The following PHACTR3 variants were observed in gnomAD, a reference collection of about 807,000 sequenced individuals.
PHACTR3 encodes the protein protein phosphatase 1, regulatory subunit 123.
Under a neutral mutation model 66.8 loss-of-function variants are expected in PHACTR3, and 16 were observed. The observed-to-expected ratio is 0.24, with a 90% CI of 0.16 to 0.36. The LOEUF is 0.36. Ranked by LOEUF, PHACTR3 falls within the 10% of genes least tolerant of loss-of-function variation. The probability of loss-of-function intolerance (pLI) is 1.00; values close to 1 mark genes in which losing one functional copy is unlikely to be tolerated. For missense variants in PHACTR3, 647 were observed against 719.9 expected (o/e 0.90, Z 1.16); for synonymous variants, 323 against 292.1 (o/e 1.11, Z -1.08).
intron 1 of PHACTR3, among the ~76,000 whole-genome samples, chr20:59,638,465 G>T (rs2146414682): frequency 6.6e-6 from 1 of 151,336 alleles, no homozygotes; most frequent in East Asian, 2.0e-4. Context: ...TGGATAGGTA[G>T]ATGGGTGGAT....
At chr20:59,633,772 G>A (rs2034752716) in intron 1 of PHACTR3, among the ~76,000 whole-genome samples, 1 of 152,108 alleles carries the variant, frequency 6.6e-6, no homozygotes, top group African/African-American at 2.4e-5. Context: ...TTTTAATAAT[G>A]AGTCACCCAT....
intron 1 of PHACTR3, among the ~76,000 whole-genome samples, chr20:59,616,585 C>T (rs1196000590): frequency 2.6e-5 from 4 of 152,212 alleles, no homozygotes; most frequent in Non-Finnish European, 5.9e-5. Context: ...AGTCAGAATA[C>T]TGAGTTGGGT....
chr20:59,605,074 C>T lies in PHACTR3; in HGVS notation c.60C>T (p.Asp20=), dbSNP rs1290446335. 1 of 1,420,334 alleles carries T rather than the reference C, an allele frequency of 7.0e-7. No homozygotes were observed. Among genetic ancestry groups the T allele is most frequent in the Non-Finnish European group, 9.2e-7 (1 of 1,081,288 alleles). 88.0% of individuals were successfully genotyped at this position (1,420,334 alleles called of 1,614,324 possible). Residue 20 remains aspartate (D), a synonymous_variant, in exon 1 of 13, where the codon GAC becomes GAT. Transcript: ENST00000371015. ...TGTCGCGGGGCCGCTCGCAGAGTGA[C>T]CCCAGCGTCCTCACCGACTCCTCGG... is the stretch of plus-strand genomic sequence containing the variant. ...CLVSRGRSQS[D]PSVLTDSSAT... is the part of the protein sequence containing the mutation.
intron 1 of PHACTR3, among the ~76,000 whole-genome samples, chr20:59,708,128 T>A (rs1347144510): frequency 6.6e-6 from 1 of 152,200 alleles, no homozygotes; most frequent in Admixed American, 6.5e-5. Context: ...TACCTCTGTC[T>A]GTACAGCTGG....
chr20:59,664,510 G>T (rs1388741691), intron 1 of PHACTR3, among the ~76,000 whole-genome samples: 1 of 152,046 alleles, frequency 6.6e-6, no homozygotes, highest in African/African-American at 2.4e-5. Flanking sequence ...ACCCTGTCTG[G>T]GTCCCCAGGA....
chr20:59,695,295 G>A (rs1005665590), intron 1 of PHACTR3, among the ~76,000 whole-genome samples: 31 of 152,124 alleles, frequency 2.0e-4, no homozygotes, highest in Non-Finnish European at 1.6e-4. Flanking sequence ...TTCTAGGGGT[G>A]GATTTCCCCT....
At chr20:59,577,673 G>A in intron 1 of PHACTR3, 3 of 1,127,762 alleles carry the variant, frequency 2.7e-6, no homozygotes, top group Non-Finnish European at 3.3e-6. Flanking sequence ...GTGCCCGCCG[G>A]GCACGAGGCG....
intron 1 of PHACTR3, among the ~76,000 whole-genome samples, chr20:59,723,660 G>A (rs1253319908): frequency 6.6e-6 from 1 of 152,082 alleles, no homozygotes. Flanking sequence ...TTCGGGGCAA[G>A]CTCAGGAGCA....
At chr20:59,691,543 TTAA>T (rs1193121596) in intron 1 of PHACTR3, among the ~76,000 whole-genome samples, 1 of 152,214 alleles carries the variant, frequency 6.6e-6, no homozygotes, top group Non-Finnish European at 1.5e-5. Context: ...CCACATTGTT[TTAA>T]TTATTATCAC....
intron 1 of PHACTR3, among the ~76,000 whole-genome samples, chr20:59,656,268 T>C (rs75201437): frequency 0.12 from 18,327 of 151,926 alleles, 1,320 homozygotes; most frequent in African/African-American, 0.2. Flanking sequence ...ATTTTTATTA[T>C]TGAGTTATTT....
intron 1 of PHACTR3, among the ~76,000 whole-genome samples, chr20:59,723,096 T>TCA (rs2038402948): frequency 6.6e-6 from 1 of 150,750 alleles, no homozygotes; most frequent in African/African-American, 2.5e-5. Flanking sequence ...CTTTCTTTCT[T>TCA]TCTTTCTTTC....
intron 1 of PHACTR3, among the ~76,000 whole-genome samples, chr20:59,678,531 G>A (rs1016984391): frequency 1.2e-4 from 18 of 152,156 alleles, no homozygotes; most frequent in Admixed American, 5.9e-4. Context: ...ATGATCCGAA[G>A]CTCTTGGTGC....
At chr20:59,843,970 CAAAA>C (rs1399976635) in intron 11 of PHACTR3, 1 of 151,702 alleles carries the variant, frequency 6.6e-6, no homozygotes, top group East Asian at 1.9e-4. Flanking sequence ...ACTCAACAGT[CAAAA>C]AACAAAACAA....
chr20:59,641,852 A>G (rs2035112610), intron 1 of PHACTR3, among the ~76,000 whole-genome samples: 1 of 152,230 alleles, frequency 6.6e-6, no homozygotes, highest in African/African-American at 2.4e-5. Flanking sequence ...ATACAAATAA[A>G]TTATGCAGCA....
intron 3 of PHACTR3, among the ~76,000 whole-genome samples, chr20:59,753,936 G>A (rs1489070764): frequency 3.9e-5 from 6 of 152,196 alleles, no homozygotes; most frequent in African/African-American, 1.4e-4. Context: ...TCCACTGCCA[G>A]GATGGGACGT....
chr20:59,661,397 A>G (rs2426803), intron 1 of PHACTR3, among the ~76,000 whole-genome samples: 23,805 of 151,952 alleles, frequency 0.16, 2,280 homozygotes, highest in East Asian at 0.25. Context: ...TGGAGAGAGC[A>G]CGTCTCAGAG....
chr20:59,578,645 C>T (rs2032782483), intron 1 of PHACTR3, among the ~76,000 whole-genome samples: 1 of 152,178 alleles, frequency 6.6e-6, no homozygotes, highest in Non-Finnish European at 1.5e-5. Flanking sequence ...CACTGCTAAG[C>T]ATCCCGCACT....
chr20:59,775,175 A>T (rs1477310565), intron 7 of PHACTR3, among the ~76,000 whole-genome samples: 1 of 151,592 alleles, frequency 6.6e-6, no homozygotes, highest in Non-Finnish European at 1.5e-5. Context: ...AGGGAGAAGG[A>T]GGCTCAGGCC....
chr20:59,681,102 C>T (rs1054148176), intron 1 of PHACTR3, among the ~76,000 whole-genome samples: 21 of 152,238 alleles, frequency 1.4e-4, no homozygotes, highest in African/African-American at 5.1e-4. Flanking sequence ...AACACACTCA[C>T]ACCCATTTAC....
Sources: allele counts gnomAD v4.1 joint callset (sites outside exome capture counted in the v4.1 genomes callset), GRCh38; gene constraint gnomAD v4.1.1; transcripts MANE v1.5; gene names NCBI Gene and HGNC (gene_info 2026-07-23, HGNC 2026-07-21).